Variants in PPP6R2 observed in about 807,000 individuals in gnomAD.
PPP6R2 encodes the protein protein phosphatase 6 regulatory subunit 2.
In PPP6R2, 62 loss-of-function variants were observed where a neutral mutation model predicts 100.2. The observed-to-expected ratio is 0.62, with a 90% CI of 0.50 to 0.76. The LOEUF (loss-of-function observed/expected upper bound fraction) is 0.76. Among genes scored for constraint, PPP6R2 ranks in the 30% least tolerant of loss-of-function variants. The pLI, the probability that PPP6R2 is intolerant of heterozygous loss-of-function variation, is 0.00. For synonymous variants in PPP6R2, 525 were observed against 514.7 expected, an observed-to-expected ratio of 1.02 and a Z score of -0.27; for missense variants, 1,142 against 1,276.3, an observed-to-expected ratio of 0.89 and a Z score of 1.60.
At chr22:50,346,571 C>T (rs1339409555) in intron 1 of PPP6R2, among the ~76,000 whole-genome samples, 5 of 136,198 alleles carry the variant, frequency 3.7e-5, no homozygotes, top group African/African-American at 1.1e-4. Flanking sequence ...CTTCCTGCAC[C>T]AGTCAGTGTC....
chr22:50,351,572 C>G lies in PPP6R2; in HGVS notation c.-148+8022C>G, dbSNP rs942306933. Among the ~76,000 whole-genome samples, 9 of 152,046 alleles carry G rather than the reference C, an allele frequency of 5.9e-5. No homozygotes were observed. In the East Asian group the frequency reaches 1.8e-3, roughly 30 times the overall value. ...TGCCATAGCCTCCTTCATCAATTGT[C>G]CTAGCTGGATCTTCCAGATCTAGCG... On this transcript the variant is annotated intron_variant, in intron 1 of 23. Coordinates refer to ENST00000612753, the MANE Select transcript of PPP6R2 (RefSeq NM_001242898.2).
At chr22:50,339,704 G>T (rs555346987), upstream of PPP6R2, among the ~76,000 whole-genome samples, 5 of 144,960 alleles carry the variant, frequency 3.4e-5, no homozygotes, top group Non-Finnish European at 4.5e-5. Flanking sequence ...GGTGTGTAGT[G>T]TGTGGTGTGT....
chr22:50,429,629 A>C (rs2148045076), intron 10 of PPP6R2, among the ~76,000 whole-genome samples: 1 of 152,322 alleles, frequency 6.6e-6, no homozygotes, highest in Non-Finnish European at 1.5e-5. Flanking sequence ...ATGAATTAGA[A>C]AGTATTCTCT....
the PPP6R2 span, among the ~76,000 whole-genome samples, chr22:50,338,169 T>C: frequency 1.5e-5 from 2 of 137,318 alleles, no homozygotes; most frequent in African/African-American, 5.6e-5. Flanking sequence ...GTGCGATGTG[T>C]GAGGTGTGTG....
chr22:50,369,903 T>TC (rs1162736956), intron 1 of PPP6R2, among the ~76,000 whole-genome samples: 12 of 129,700 alleles, frequency 9.3e-5, no homozygotes, highest in East Asian at 4.0e-4. Context: ...CCCAGCTAAG[T>TC]AATTTTTTTT....
chr22:50,428,659 G>A (rs897472676), intron 10 of PPP6R2, among the ~76,000 whole-genome samples: 3 of 151,946 alleles, frequency 2.0e-5, no homozygotes, highest in African/African-American at 7.3e-5. Flanking sequence ...CAGGGCTGCA[G>A]AGCCGAGATC....
At chr22:50,343,590 C>T (rs1405953138) in intron 1 of PPP6R2, 40 bp downstream of exon 1, 2 of 150,948 alleles carry the variant, frequency 1.3e-5, no homozygotes, top group Non-Finnish European at 2.9e-5. Flanking sequence ...GGCCCCCAGT[C>T]TGCCAGTGCC....
intron 3 of PPP6R2, among the ~76,000 whole-genome samples, chr22:50,395,756 G>A (rs950981574): frequency 6.6e-6 from 1 of 151,724 alleles, no homozygotes; most frequent in Non-Finnish European, 1.5e-5. Context: ...TTGTAGAGAC[G>A]GGGTTTCACC....
chr22:50,357,914 G>A (rs978441967), intron 1 of PPP6R2, among the ~76,000 whole-genome samples: 15 of 151,462 alleles, frequency 9.9e-5, no homozygotes, highest in African/African-American at 3.7e-4. Context: ...GTGAGCCACC[G>A]CACCTGGCAC....
chr22:50,369,346 G>A (rs2049475168), intron 1 of PPP6R2, among the ~76,000 whole-genome samples: 1 of 152,112 alleles, frequency 6.6e-6, no homozygotes. Context: ...TAATCATGAA[G>A]TGTTAGGTAT....
chr22:50,335,239 T>TA, the PPP6R2 span, among the ~76,000 whole-genome samples: 6 of 132,434 alleles, frequency 4.5e-5, no homozygotes, highest in South Asian at 2.4e-4. Context: ...TTTTTTTTTT[T>TA]TTTTTAGTAG....
intron 14 of PPP6R2, 106 bp from the exon 15 acceptor site, chr22:50,436,882 T>C: frequency 1.2e-6 from 1 of 859,496 alleles, no homozygotes; most frequent in East Asian, 2.7e-5. Context: ...ATGTGCTGGG[T>C]GGGGTCTGGG....
At chr22:50,360,092 A>G (rs1167327959) in intron 1 of PPP6R2, among the ~76,000 whole-genome samples, 1 of 139,864 alleles carries the variant, frequency 7.1e-6, no homozygotes, top group Non-Finnish European at 1.5e-5. Flanking sequence ...TTGCTCTGTC[A>G]TGGAGGCTGG....
intron 1 of PPP6R2, among the ~76,000 whole-genome samples, chr22:50,364,919 C>T (rs1375952779): frequency 1.3e-5 from 2 of 151,862 alleles, no homozygotes; most frequent in Non-Finnish European, 2.9e-5. Flanking sequence ...CTTTTTCTAC[C>T]TTATTTTGGA....
chr22:50,348,664 G>A (rs1185277766), intron 1 of PPP6R2, among the ~76,000 whole-genome samples: 1 of 152,116 alleles, frequency 6.6e-6, no homozygotes, highest in Non-Finnish European at 1.5e-5. Flanking sequence ...GGGTCACTAG[G>A]GAGAAGGTAT....
At position 50,372,138 on chromosome 22, in the gene PPP6R2, A is replaced by T. The variant is rs1202829188; in HGVS notation, c.-29A>T. 6.6e-6 allele frequency: 1 copy of T among 152,180 alleles called. No individual in the cohort carries two copies. The highest frequency in any genetic ancestry group is 1.5e-5 in the Non-Finnish European group (1 of 68,030). 9.4% of individuals were successfully genotyped at this position (152,180 alleles called of 1,614,324 possible). A position where few individuals can be genotyped will look rare whatever the true frequency, so the allele number is the denominator to read the frequency against. ...CCTGAATACATGATTTAAACAAGAG[A>T]TTTCCACAGAAGGTAAGATAAGTTT... On this transcript the variant is annotated 5_prime_UTR_variant, in exon 2 of 24. Coordinates refer to ENST00000612753, the MANE Select transcript of PPP6R2 (RefSeq NM_001242898.2).
intron 2 of PPP6R2, among the ~76,000 whole-genome samples, chr22:50,374,031 C>G (rs1444261076): frequency 6.6e-6 from 1 of 152,156 alleles, no homozygotes; most frequent in Non-Finnish European, 1.5e-5. Context: ...GCCACCGCAC[C>G]CAGCCCACCA....
At chr22:50,429,084 G>T in intron 10 of PPP6R2, among the ~76,000 whole-genome samples, 1 of 151,560 alleles carries the variant, frequency 6.6e-6, no homozygotes, top group African/African-American at 2.4e-5. Context: ...AGGCTGGAGT[G>T]CAGTGGCATG....
At chr22:50,364,200 G>C (rs573389809) in intron 1 of PPP6R2, among the ~76,000 whole-genome samples, 1 of 152,172 alleles carries the variant, frequency 6.6e-6, no homozygotes, top group East Asian at 1.9e-4. Context: ...CCTGGCCCAG[G>C]TTTTCAGACT....
Sources: allele counts gnomAD v4.1 joint callset (sites outside exome capture counted in the v4.1 genomes callset), GRCh38; gene constraint gnomAD v4.1.1; transcripts MANE v1.5; gene names NCBI Gene and HGNC (gene_info 2026-07-23, HGNC 2026-07-21).